TMEFF2: variants seen among roughly 807,000 people sequenced by gnomAD.
TMEFF2 encodes tomoregulin-2.
Under a neutral mutation model 53.8 loss-of-function variants are expected in TMEFF2, and 28 were observed. That is an observed-to-expected ratio of 0.52 (90% CI 0.39 to 0.71). The LOEUF is 0.71. Ranked by LOEUF, TMEFF2 falls within the 30% of genes least tolerant of loss-of-function variation. The pLI is 0.00. For missense variants in TMEFF2, 353 were observed against 455.2 expected (o/e 0.78, Z 2.04); for synonymous variants, 162 against 166.3 (o/e 0.97, Z 0.20).
At chr2:192,033,520 A>ATTTT (rs11396104) in intron 5 of TMEFF2, among the ~76,000 whole-genome samples, 22 of 135,584 alleles carry the variant, frequency 1.6e-4, no homozygotes, top group African/African-American at 4.1e-4. Flanking sequence ...ACCAGTTTGG[A>ATTTT]TTTTTTTTTT....
chr2:192,009,038 G>A lies in TMEFF2; in HGVS notation c.537-9830C>T, dbSNP rs144564447. Among the ~76,000 whole-genome samples the A allele has an allele frequency of 3.7e-3, 558 of 152,232 alleles. 4 individuals are homozygous for A. Among genetic ancestry groups the A allele is most frequent in the Non-Finnish European group, 3.8e-3 (258 of 68,002 alleles). On this transcript the variant is annotated intron_variant, in intron 5 of 9. Coordinates refer to ENST00000272771, the MANE Select transcript of TMEFF2 (RefSeq NM_016192.4). ...TTTGAAAATAATTGGCCACTACATT[G>A]TTCAGGTGGCTTTTATTTGTTTGGC...
chr2:192,056,634 C>T (rs1267174050), intron 5 of TMEFF2, among the ~76,000 whole-genome samples: 1 of 152,008 alleles, frequency 6.6e-6, no homozygotes, highest in Non-Finnish European at 1.5e-5. Flanking sequence ...GTAGTTACTC[C>T]ATCATCTTAG....
intron 4 of TMEFF2, among the ~76,000 whole-genome samples, chr2:192,155,368 G>C (rs1036227768): frequency 1.3e-5 from 2 of 151,760 alleles, no homozygotes; most frequent in Admixed American, 6.6e-5. Flanking sequence ...AAGAAAGCGT[G>C]GGTTTTTAAG....
chr2:192,116,312 C>T (rs6434535), intron 4 of TMEFF2, among the ~76,000 whole-genome samples: 64,581 of 151,590 alleles, frequency 0.43, 13,974 homozygotes, highest in South Asian at 0.49. Flanking sequence ...AGTGTGATTA[C>T]GGAGTGGGGA....
Position 192,194,923 on chromosome 2 carries a change from C to G in TMEFF2, c.-399G>C, listed in dbSNP as rs1044608750. 2.8e-5 allele frequency: 6 copies of G among 211,582 alleles called. No individual in the cohort carries two copies. The highest frequency in any genetic ancestry group is 5.6e-5 in the Admixed American group (1 of 17,708). The allele number at this position is 211,582 out of a possible 1,614,324, so 13.1% of individuals were successfully genotyped here. ...CAGCCGCCTCTCGAGCTCTGCCGCC[C>G]GCATCCCTCTGGCGTTTGGGAAGCA... On this transcript the variant is annotated 5_prime_UTR_variant, in exon 1 of 10. Coordinates refer to ENST00000272771, the MANE Select transcript of TMEFF2 (RefSeq NM_016192.4). The surrounding 1 kb of genome is among the most constrained non-coding windows in gnomAD (Gnocchi z 4.2).
intron 4 of TMEFF2, among the ~76,000 whole-genome samples, chr2:192,064,645 C>T (rs1285269297): frequency 2.0e-5 from 3 of 151,832 alleles, no homozygotes; most frequent in Non-Finnish European, 4.4e-5. Context: ...ATGTTTCTTG[C>T]CATAGCTGCA....
chr2:192,068,617 A>T (rs960141518), intron 4 of TMEFF2, among the ~76,000 whole-genome samples: 5 of 151,856 alleles, frequency 3.3e-5, no homozygotes, highest in African/African-American at 1.2e-4. Context: ...GAAAGCACTA[A>T]AGTGCTATTT....
intron 7 of TMEFF2, among the ~76,000 whole-genome samples, chr2:191,986,701 T>C (rs549973109): frequency 1.3e-5 from 2 of 151,368 alleles, no homozygotes; most frequent in South Asian, 2.1e-4. Flanking sequence ...CTACTAAAAA[T>C]ACAAAAATTA....
At chr2:192,025,579 G>GTA (rs532530579) in intron 5 of TMEFF2, among the ~76,000 whole-genome samples, 33 of 152,224 alleles carry the variant, frequency 2.2e-4, no homozygotes, top group African/African-American at 7.7e-4. Flanking sequence ...TTATCGTGGG[G>GTA]TATAAAATTC....
At chr2:192,172,857 C>A (rs1048220935) in intron 4 of TMEFF2, among the ~76,000 whole-genome samples, 1 of 151,874 alleles carries the variant, frequency 6.6e-6, no homozygotes, top group Non-Finnish European at 1.5e-5. Flanking sequence ...CAAAGAAGTA[C>A]AAGAGGTAGG....
intron 7 of TMEFF2, among the ~76,000 whole-genome samples, chr2:191,981,772 C>T (rs915412537): frequency 3.3e-5 from 5 of 152,096 alleles, no homozygotes; most frequent in African/African-American, 9.7e-5. Flanking sequence ...TTACCAGCAT[C>T]GGTAATACAT....
chr2:192,001,191 C>T (rs1686349251), intron 5 of TMEFF2, among the ~76,000 whole-genome samples: 1 of 152,136 alleles, frequency 6.6e-6, no homozygotes, highest in African/African-American at 2.4e-5. Context: ...TAGGAATTAT[C>T]TCCTTCAAGG....
intron 4 of TMEFF2, among the ~76,000 whole-genome samples, chr2:192,072,382 T>C (rs942215640): frequency 2.0e-5 from 3 of 151,958 alleles, no homozygotes; most frequent in Non-Finnish European, 1.5e-5. Context: ...CTTAAAGCAC[T>C]TTGATACAAA....
intron 4 of TMEFF2, among the ~76,000 whole-genome samples, chr2:192,085,211 C>CAT (rs1688644420): frequency 6.6e-6 from 1 of 151,966 alleles, no homozygotes; most frequent in South Asian, 2.1e-4. Flanking sequence ...GTATAATGCT[C>CAT]ATAATAAAGG....
At chr2:192,133,003 C>T (rs184058609) in intron 4 of TMEFF2, among the ~76,000 whole-genome samples, 2 of 152,290 alleles carry the variant, frequency 1.3e-5, no homozygotes, top group African/African-American at 2.4e-5. Flanking sequence ...AGGCTACCCA[C>T]TCCACATTAC....
intron 4 of TMEFF2, among the ~76,000 whole-genome samples, chr2:192,061,566 C>T (rs1345321623): frequency 1.3e-5 from 2 of 152,020 alleles, no homozygotes; most frequent in South Asian, 2.1e-4. Flanking sequence ...GTGGGGAGGG[C>T]GGGTCCTGGA....
At chr2:192,104,275 A>G (rs1202677180) in intron 4 of TMEFF2, among the ~76,000 whole-genome samples, 1 of 152,130 alleles carries the variant, frequency 6.6e-6, no homozygotes. Context: ...TTTGGCATAA[A>G]CAACTGAAGA....
intron 5 of TMEFF2, among the ~76,000 whole-genome samples, chr2:192,016,824 C>T (rs1172220689): frequency 6.6e-6 from 1 of 152,170 alleles, no homozygotes; most frequent in Non-Finnish European, 1.5e-5. Flanking sequence ...TTAGTGTTTT[C>T]ATTCATTTAG....
intron 5 of TMEFF2, among the ~76,000 whole-genome samples, chr2:192,037,631 GAA>G (rs1247174442): frequency 1.2e-3 from 33 of 26,466 alleles, no homozygotes; most frequent in African/African-American, 1.7e-3. Flanking sequence ...AGAGAGGAGA[GAA>G]AGAGAGAGAA....
Sources: gnomAD v4.1 joint callset for allele counts (sites outside exome capture counted in the v4.1 genomes callset) on GRCh38, gnomAD v4.1.1 for gene constraint, Gnocchi (gnomAD v3.1) non-coding constraint, MANE v1.5 for transcripts, NCBI Gene and HGNC (gene_info 2026-07-23, HGNC 2026-07-21) for gene names.